Variants in ASTN2 observed in about 807,000 individuals in gnomAD.
The protein encoded by ASTN2 is astrotactin 2.
ASTN2 carries 54 observed loss-of-function variants against 139.8 expected under a neutral mutation model. That is an observed-to-expected ratio of 0.39 (90% CI 0.31 to 0.48). The LOEUF is 0.48. Ranked by LOEUF, ASTN2 falls within the 20% of genes least tolerant of loss-of-function variation. The probability of loss-of-function intolerance (pLI) is 0.95; values close to 1 mark genes in which losing one functional copy is unlikely to be tolerated. For missense variants in ASTN2, 1,565 were observed against 1,725.1 expected, an observed-to-expected ratio of 0.91 and a Z score of 1.64; for synonymous variants, 756 against 719.5, an observed-to-expected ratio of 1.05 and a Z score of -0.81.
intron 10 of ASTN2, among the ~76,000 whole-genome samples, chr9:116,899,797 C>G (rs990397093): frequency 6.6e-6 from 1 of 152,162 alleles, no homozygotes; most frequent in Non-Finnish European, 1.5e-5. Flanking sequence ...TCACAGGATT[C>G]CTAACCTCCC....
At chr9:116,843,009 C>G (rs1162321933) in intron 11 of ASTN2, among the ~76,000 whole-genome samples, 1 of 152,180 alleles carries the variant, frequency 6.6e-6, no homozygotes, top group African/African-American at 2.4e-5. Flanking sequence ...TCTCTCTCCA[C>G]ATTTTGCCCT....
chr9:116,805,811 C>T lies in ASTN2; in HGVS notation c.2217G>A (p.Glu739=), dbSNP rs766215315. 6 of 1,613,552 alleles carry T rather than the reference C, an allele frequency of 3.7e-6. No individual in the cohort carries two copies. The highest frequency in any genetic ancestry group is 5.1e-6 in the Non-Finnish European group (6 of 1,179,660). ...STIFMFCGCV[E]EYKLAPDGKS... ...TTCCATCAGGAGCCAGTTTGTACTC[C>T]TCCACGCAACTGTATGATAAAACAG... is the stretch of plus-strand genomic sequence containing the variant. Residue 739 remains glutamate, a synonymous_variant, in exon 13 of 23, where the codon GAG becomes GAA. Transcript: ENST00000313400.
At chr9:116,563,909 T>C (rs1383079335) in intron 19 of ASTN2, among the ~76,000 whole-genome samples, 1 of 152,172 alleles carries the variant, frequency 6.6e-6, no homozygotes, top group African/African-American at 2.4e-5. Context: ...AAGAACTCAA[T>C]AGATATTTGT....
intron 10 of ASTN2, among the ~76,000 whole-genome samples, chr9:116,969,025 GC>G (rs1836104549): frequency 6.6e-6 from 1 of 152,062 alleles, no homozygotes; most frequent in South Asian, 2.1e-4. Context: ...TACCTGTCCT[GC>G]TTTTTCACTG....
At chr9:117,182,678 T>C (rs779830980) in intron 3 of ASTN2, among the ~76,000 whole-genome samples, 19 of 152,126 alleles carry the variant, frequency 1.2e-4, no homozygotes, top group Non-Finnish European at 2.5e-4. Flanking sequence ...GTATATGCCA[T>C]AGTGGGGCAG....
Position 117,298,670 on chromosome 9 carries a change from G to A in ASTN2, c.443-7157C>T, listed in dbSNP as rs201988328. On this transcript the variant is annotated intron_variant, in intron 1 of 22. Transcript: ENST00000313400. ...TCTTGGTGTGTGTATATATATATGTGTATATATATATATATATATATGTGC... is the reference window on the plus strand; with the variant it reads ...TCTTGGTGTGTGTATATATATATGTATATATATATATATATATATATGTGC... Among the ~76,000 whole-genome samples the A allele has an allele frequency of 1.0e-4, 14 of 136,466 alleles. No individual in the cohort carries two copies. The East Asian group carries it at 1.0e-3, about 10-fold the overall frequency. The allele number at this position is 136,466 out of a possible 152,430, so 89.5% of individuals were successfully genotyped here. A position where few individuals can be genotyped will look rare whatever the true frequency, so the allele number is the denominator to read the frequency against.
At chr9:117,133,003 A>G (rs1412190660) in intron 4 of ASTN2, among the ~76,000 whole-genome samples, 1 of 152,178 alleles carries the variant, frequency 6.6e-6, no homozygotes, top group African/African-American at 2.4e-5. Flanking sequence ...GATATTAAGG[A>G]TATTAAGCAG....
intron 3 of ASTN2, among the ~76,000 whole-genome samples, chr9:117,204,705 A>T (rs1831855685): frequency 1.3e-5 from 2 of 152,210 alleles, no homozygotes; most frequent in African/African-American, 4.8e-5. Context: ...TTCATTTATC[A>T]TTGGATACCC....
chr9:116,892,890 C>A lies in ASTN2; in HGVS notation c.1890-29157G>T, dbSNP rs1033206789. Among the ~76,000 whole-genome samples, 64 of 152,150 alleles carry A rather than the reference C, an allele frequency of 4.2e-4. 1 individual carries two copies. Among genetic ancestry groups the A allele is most frequent in the African/African-American group, 1.5e-3 (63 of 41,434 alleles). On this transcript the variant is annotated intron_variant, in intron 10 of 22. Coordinates refer to ENST00000313400, the MANE Select transcript of ASTN2 (RefSeq NM_001365068.1). Reference sequence around the variant, plus strand: ...CAGCAAATTTCTTTTGGTATACACACTTCCCAAATAGTGCAATTATTAATT... The same window carrying A: ...CAGCAAATTTCTTTTGGTATACACAATTCCCAAATAGTGCAATTATTAATT...
chr9:117,280,645 C>G (rs544066551), intron 2 of ASTN2, among the ~76,000 whole-genome samples: 1 of 152,226 alleles, frequency 6.6e-6, no homozygotes, highest in East Asian at 1.9e-4. Context: ...TGTGGCCCTG[C>G]CAACACCATG....
At chr9:117,308,238 AATCAATCAAT>A (rs1835053177) in intron 1 of ASTN2, among the ~76,000 whole-genome samples, 4 of 151,974 alleles carry the variant, frequency 2.6e-5, no homozygotes, top group Non-Finnish European at 5.9e-5. Flanking sequence ...TCAATCAATC[AATCAATCAAT>A]CAAACAAACA....
At chr9:117,244,398 C>T (rs900930307) in intron 2 of ASTN2, among the ~76,000 whole-genome samples, 4 of 151,992 alleles carry the variant, frequency 2.6e-5, no homozygotes, top group African/African-American at 9.7e-5. Flanking sequence ...GGAGGTGTGC[C>T]TTATTATCGA....
At chr9:117,075,870 T>C (rs1003247075) in intron 5 of ASTN2, among the ~76,000 whole-genome samples, 3 of 152,172 alleles carry the variant, frequency 2.0e-5, no homozygotes, top group African/African-American at 7.2e-5. Flanking sequence ...GGACAAGATC[T>C]CATATTGTAA....
intron 1 of ASTN2, among the ~76,000 whole-genome samples, chr9:117,346,700 C>A (rs139106584): frequency 6.1e-4 from 93 of 152,194 alleles, no homozygotes; most frequent in African/African-American, 2.1e-3. Context: ...TGTTCTCCTG[C>A]CAGTAGTGAG....
chr9:116,863,048 CCCTT>C (rs1832930814), intron 11 of ASTN2, among the ~76,000 whole-genome samples: 1 of 152,114 alleles, frequency 6.6e-6, no homozygotes, highest in African/African-American at 2.4e-5. Flanking sequence ...GGCTGCCTCT[CCCTT>C]CCTTCATGTC....
chr9:116,849,424 A>G (rs975420870), intron 11 of ASTN2, among the ~76,000 whole-genome samples: 4 of 152,180 alleles, frequency 2.6e-5, no homozygotes, highest in African/African-American at 9.6e-5. Context: ...ATTAGTATAC[A>G]AAAGACACTT....
rs890547214 is a variant in ASTN2, at chr9:116,698,856, A to C, written c.2806+26915T>G. 2.5e-6 allele frequency: 4 copies of C among 1,614,116 alleles called. No homozygotes were observed. The African/African-American group carries it at 5.3e-5, about 22-fold the overall frequency. ...CAAAGGCAGCACTCCAGGAATGTTC[A>C]ATCTTCCAGTCAGTCTCTACGTGAC... On this transcript the variant is annotated intron_variant, in intron 16 of 22. Transcript: ENST00000313400. The surrounding 1 kb of genome is among the most constrained non-coding windows in gnomAD (Gnocchi z 4.4).
chr9:116,889,640 C>A (rs1833707886), intron 10 of ASTN2, among the ~76,000 whole-genome samples: 2 of 151,616 alleles, frequency 1.3e-5, no homozygotes, highest in African/African-American at 4.8e-5. Flanking sequence ...AATCCTAGCA[C>A]TTTGTGAGGC....
At chr9:116,455,879 A>C (rs567360075) in intron 20 of ASTN2, among the ~76,000 whole-genome samples, 1 of 152,236 alleles carries the variant, frequency 6.6e-6, no homozygotes, top group South Asian at 2.1e-4. Context: ...CAACACAATA[A>C]AACTATATAC....
Sources: allele counts gnomAD v4.1 joint callset (sites outside exome capture counted in the v4.1 genomes callset), GRCh38; gene constraint gnomAD v4.1.1; non-coding constraint Gnocchi (gnomAD v3.1); transcripts MANE v1.5; gene names NCBI Gene and HGNC (gene_info 2026-07-23, HGNC 2026-07-21).